The following KIF1B variants were observed in gnomAD, a reference collection of about 807,000 sequenced individuals.
The protein encoded by KIF1B is kinesin-like protein KIF1B.
A neutral mutation model predicts 241.9 loss-of-function variants in KIF1B; 76 were observed. The ratio of observed to expected loss-of-function variants is 0.31; its 90% CI spans 0.26 to 0.38. The LOEUF (loss-of-function observed/expected upper bound fraction) is 0.38, where lower values mean the gene tolerates loss of function less well. KIF1B is among the 10% of genes least tolerant of loss of function. The probability of loss-of-function intolerance (pLI) is 1.00; values close to 1 mark genes in which losing one functional copy is unlikely to be tolerated. For synonymous variants in KIF1B, 750 were observed against 796.7 expected (o/e 0.94, Z 0.99); for missense variants, 1,622 against 2,271.4 (o/e 0.71, Z 5.81).
intron 22 of KIF1B, among the ~76,000 whole-genome samples, chr1:10,319,232 G>C (rs1383098223): frequency 6.6e-6 from 1 of 151,458 alleles, no homozygotes; most frequent in Non-Finnish European, 1.5e-5. Flanking sequence ...CTCCCAAGTA[G>C]CTGGGATTAT....
Position 10,295,909 on chromosome 1 carries a change from T to C in KIF1B, c.1777+143T>C, listed in dbSNP as rs1650240706. On this transcript the variant is annotated intron_variant, in intron 19 of 48. Transcript: ENST00000676179. ...AAAATGGAGAGACCTGGGCTGCTTA[T>C]GAATGCAGAGATGGACAAGGCTGCT... 3 of 755,662 alleles carry C rather than the reference T, an allele frequency of 4.0e-6. No individual in the cohort carries two copies. In the South Asian group the frequency reaches 4.6e-5, roughly 11 times the overall value. The allele number at this position is 755,662 out of a possible 1,614,324, so 46.8% of individuals were successfully genotyped here.
At chr1:10,375,405 T>G in intron 48 of KIF1B, 32 bp downstream of exon 48, 1 of 1,564,228 alleles carries the variant, frequency 6.4e-7, no homozygotes, top group South Asian at 1.1e-5. Context: ...GTTGTTGTTT[T>G]TGAGACGGAG....
chr1:10,270,839 T>C (rs1162870640), intron 7 of KIF1B, among the ~76,000 whole-genome samples: 2 of 150,582 alleles, frequency 1.3e-5, no homozygotes, highest in Non-Finnish European at 2.9e-5. Flanking sequence ...GGTGGGAGAA[T>C]CGTTTGAACC....
chr1:10,256,041 T>A (rs1308860726), intron 2 of KIF1B, among the ~76,000 whole-genome samples: 1 of 151,432 alleles, frequency 6.6e-6, no homozygotes, highest in Non-Finnish European at 1.5e-5. Context: ...ACTCCTGACC[T>A]CTAGTGATCC....
chr1:10,306,953 T>G, intron 22 of KIF1B: 2 of 1,042,888 alleles, frequency 1.9e-6, no homozygotes, highest in Non-Finnish European at 2.3e-6. Context: ...TACTGTAGAA[T>G]GAAGAGTTGT....
At chr1:10,262,525 A>G (rs1464262912) in intron 5 of KIF1B, among the ~76,000 whole-genome samples, 1 of 152,230 alleles carries the variant, frequency 6.6e-6, no homozygotes, top group Non-Finnish European at 1.5e-5. Context: ...GTTTTTAAAT[A>G]ATACATTTGA....
rs1557715770 is a variant in KIF1B, at chr1:10,326,285, G to A, written c.2850G>A (p.Glu950=). Residue 950 remains glutamate, a synonymous_variant, in exon 27 of 49, where the codon GAG becomes GAA. Transcript: ENST00000676179. The surrounding 1 kb of genome is among the most constrained non-coding windows in gnomAD (Gnocchi z 5.2). ...VDDAGSDAGT[E]EGSDLFSDGH... ...ACGCCGGCTCTGACGCAGGGACGGA[G>A]GAGGGATCAGATCTCTTCAGTGACG... The A allele has an allele frequency of 6.2e-7, 1 of 1,614,230 alleles. No individual in the cohort carries two copies. Among genetic ancestry groups the A allele is most frequent in the East Asian group, 2.2e-5 (1 of 44,888 alleles).
intron 22 of KIF1B, among the ~76,000 whole-genome samples, chr1:10,300,871 T>C (rs1038130211): frequency 6.6e-6 from 1 of 152,190 alleles, no homozygotes; most frequent in African/African-American, 2.4e-5. Context: ...TAGCAAACTT[T>C]TGTTGGTAAG....
Position 10,324,138 on chromosome 1 carries a change from C to T in KIF1B, c.2537+76C>T, listed in dbSNP as rs774416429. The T allele has an allele frequency of 1.5e-4, 212 of 1,377,194 alleles. 1 individual carries two copies. The highest frequency in any genetic ancestry group is 2.0e-4 in the Non-Finnish European group (197 of 965,338). The allele number at this position is 1,377,194 out of a possible 1,614,324, so 85.3% of individuals were successfully genotyped here. On this transcript the variant is annotated intron_variant, in intron 25 of 48. Coordinates refer to ENST00000676179, the MANE Select transcript of KIF1B (RefSeq NM_001365951.3). ...ACCTGCTCAAGTGAGCTCCCTCCAG[C>T]TCTCCTCTCTCTGAGGACACTGTTG...
intron 16 of KIF1B, among the ~76,000 whole-genome samples, chr1:10,291,448 C>T (rs1168356601): frequency 1.3e-5 from 2 of 152,236 alleles, no homozygotes; most frequent in African/African-American, 4.8e-5. Flanking sequence ...CGGTGGCTCA[C>T]GCCTGTAATG....
chr1:10,252,021 A>G (rs1647479559), intron 2 of KIF1B, among the ~76,000 whole-genome samples: 1 of 152,014 alleles, frequency 6.6e-6, no homozygotes, highest in East Asian at 1.9e-4. Context: ...CAGTCCTCCT[A>G]GTTCCCACTT....
At chr1:10,312,741 C>G (rs1042809134) in intron 22 of KIF1B, among the ~76,000 whole-genome samples, 1 of 151,598 alleles carries the variant, frequency 6.6e-6, no homozygotes, top group Non-Finnish European at 1.5e-5. Flanking sequence ...AAGTCTGTCT[C>G]CCATTCTTCT....
At chr1:10,222,614 T>A (rs561878494) in intron 1 of KIF1B, among the ~76,000 whole-genome samples, 61 of 152,364 alleles carry the variant, frequency 4.0e-4, no homozygotes, top group Admixed American at 3.0e-3. Flanking sequence ...TTAGATTCCT[T>A]ATAATCCGAA....
intron 5 of KIF1B, among the ~76,000 whole-genome samples, chr1:10,264,190 A>G (rs1169441889): frequency 2.6e-5 from 4 of 151,972 alleles, no homozygotes; most frequent in Non-Finnish European, 5.9e-5. Context: ...TCAGTTACCT[A>G]TTTTTTATGT....
chr1:10,308,417 G>A (rs1477719949), intron 22 of KIF1B: 3 of 1,045,566 alleles, frequency 2.9e-6, no homozygotes, highest in African/African-American at 3.3e-5. Flanking sequence ...ACTGTAAAAT[G>A]AAGTTTTGAA....
At chr1:10,334,065 C>A (rs774720075) in intron 27 of KIF1B, among the ~76,000 whole-genome samples, 7 of 146,746 alleles carry the variant, frequency 4.8e-5, no homozygotes, top group Non-Finnish European at 8.9e-5. Flanking sequence ...GCAGGAGAAT[C>A]ACTTGAACCC....
chr1:10,339,627 C>A (rs2102319048), intron 31 of KIF1B, 142 bp from the exon 32 acceptor site: 1 of 743,238 alleles, frequency 1.3e-6, no homozygotes, highest in Non-Finnish European at 2.3e-6. Context: ...GGAAAAGGTT[C>A]TTGACAAGGA....
In KIF1B at chr1:10,342,253, G is replaced by A. The variant is rs1652424871; in HGVS notation, c.3632+85G>A. ...TGCTGGAAAGGAAGAAATCTTTTGA[G>A]GGATTAAGATAACTAAATAAGTATT... On this transcript the variant is annotated intron_variant, in intron 33 of 48. Coordinates refer to ENST00000676179, the MANE Select transcript of KIF1B (RefSeq NM_001365951.3). 9.0e-6 allele frequency: 8 copies of A among 885,586 alleles called. No homozygotes were observed. The East Asian group carries it at 9.6e-5, about 11-fold the overall frequency. 54.9% of individuals were successfully genotyped at this position (885,586 alleles called of 1,614,324 possible).
intron 48 of KIF1B, among the ~76,000 whole-genome samples, chr1:10,376,282 A>G (rs1638886336): frequency 6.6e-6 from 1 of 152,104 alleles, no homozygotes; most frequent in African/African-American, 2.4e-5. Flanking sequence ...TTTGTTCTCA[A>G]GAGTTCTAAA....
Sources: gnomAD v4.1 joint callset for allele counts (sites outside exome capture counted in the v4.1 genomes callset) on GRCh38, gnomAD v4.1.1 for gene constraint, Gnocchi (gnomAD v3.1) non-coding constraint, MANE v1.5 for transcripts, NCBI Gene and HGNC (gene_info 2026-07-23, HGNC 2026-07-21) for gene names.